GNAL: variants seen among roughly 807,000 people sequenced by gnomAD.
GNAL encodes guanine nucleotide-binding protein G(olf) subunit alpha.
Under a neutral mutation model 55.1 loss-of-function variants are expected in GNAL, and 18 were observed. The observed-to-expected ratio is 0.33, with a 90% CI of 0.23 to 0.48. GNAL has a LOEUF of 0.48. Among genes scored for constraint, GNAL ranks in the 20% least tolerant of loss-of-function variants. The pLI, the probability that GNAL is intolerant of heterozygous loss-of-function variation, is 0.99. For synonymous variants in GNAL, 253 were observed against 237.0 expected, an observed-to-expected ratio of 1.07 and a Z score of -0.62; for missense variants, 412 against 614.1, an observed-to-expected ratio of 0.67 and a Z score of 3.48.
At chr18:11,809,330 A>G (rs1203300450) in intron 4 of GNAL, among the ~76,000 whole-genome samples, 1 of 152,138 alleles carries the variant, frequency 6.6e-6, no homozygotes, top group African/African-American at 2.4e-5. Flanking sequence ...GTCATGCAGA[A>G]TTGCTTTTCT....
chr18:11,696,782 A>G (rs907316167), intron 1 of GNAL, among the ~76,000 whole-genome samples: 12 of 152,324 alleles, frequency 7.9e-5, no homozygotes, highest in Middle Eastern at 3.4e-3. Flanking sequence ...GTTTATTCAC[A>G]TGATTAATAC....
At chr18:11,782,746 C>G (rs539105332) in intron 4 of GNAL, among the ~76,000 whole-genome samples, 132 of 152,270 alleles carry the variant, frequency 8.7e-4, no homozygotes, top group African/African-American at 3.2e-3. Context: ...TTAACCAGAT[C>G]TATTCACCTG....
intron 5 of GNAL, among the ~76,000 whole-genome samples, chr18:11,837,629 G>A (rs2035525033): frequency 6.6e-6 from 1 of 152,156 alleles, no homozygotes; most frequent in Non-Finnish European, 1.5e-5. Flanking sequence ...TGTTGCTGAG[G>A]ATGTGAAGAA....
Position 11,864,624 on chromosome 18 carries a change from A to C in GNAL, c.851+18A>C, listed in dbSNP as rs759589668. The C allele has an allele frequency of 2.2e-5, 30 of 1,372,620 alleles. No individual in the cohort carries two copies. In the South Asian group the frequency reaches 3.5e-4, roughly 16 times the overall value. 85.0% of individuals were successfully genotyped at this position (1,372,620 alleles called of 1,614,324 possible). Reference sequence around the variant, plus strand: ...AACTTCCAGTGAGTATGTTGTTAAGAGCTGCATGGCCCAGGGCCACATGAT... The same window carrying C: ...AACTTCCAGTGAGTATGTTGTTAAGCGCTGCATGGCCCAGGGCCACATGAT... On this transcript the variant is annotated intron_variant, in intron 7 of 11. Coordinates refer to ENST00000334049, the MANE Select transcript of GNAL (RefSeq NM_182978.4).
chr18:11,815,560 C>A (rs1473700395), intron 4 of GNAL, among the ~76,000 whole-genome samples: 1 of 152,132 alleles, frequency 6.6e-6, no homozygotes, highest in Non-Finnish European at 1.5e-5. Context: ...AGGGGGAAGT[C>A]TGCCTCCATG....
intron 4 of GNAL, among the ~76,000 whole-genome samples, chr18:11,770,143 T>C (rs1242701039): frequency 6.6e-6 from 1 of 152,336 alleles, no homozygotes. Context: ...ATTATGAATT[T>C]AACTAAAATA....
intron 1 of GNAL, among the ~76,000 whole-genome samples, chr18:11,718,038 G>A (rs1235002581): frequency 6.6e-6 from 1 of 152,096 alleles, no homozygotes; most frequent in Non-Finnish European, 1.5e-5. Flanking sequence ...ACATGACAGT[G>A]TTAGAAGATA....
chr18:11,811,665 A>G (rs910202690), intron 4 of GNAL, among the ~76,000 whole-genome samples: 14 of 152,214 alleles, frequency 9.2e-5, no homozygotes, highest in Admixed American at 5.2e-4. Flanking sequence ...ATTTAATTCT[A>G]TAGTCACTGT....
chr18:11,770,652 A>G (rs890190078), intron 4 of GNAL, among the ~76,000 whole-genome samples: 1 of 152,128 alleles, frequency 6.6e-6, no homozygotes, highest in Non-Finnish European at 1.5e-5. Flanking sequence ...GGAGTGTACC[A>G]TTACCCTAAA....
intron 4 of GNAL, 73 bp downstream of exon 4, chr18:11,754,018 A>C: frequency 2.8e-6 from 3 of 1,073,572 alleles, no homozygotes; most frequent in Non-Finnish European, 4.3e-6. Context: ...CTTATTGAGA[A>C]TCAATATTGA....
At chr18:11,816,632 G>A (rs1370542035) in intron 4 of GNAL, among the ~76,000 whole-genome samples, 1 of 151,880 alleles carries the variant, frequency 6.6e-6, no homozygotes, top group South Asian at 2.1e-4. Flanking sequence ...TGGCCAACAC[G>A]GTGAAACCCT....
chr18:11,733,322 C>G (rs948050179), intron 1 of GNAL, among the ~76,000 whole-genome samples: 1 of 152,332 alleles, frequency 6.6e-6, no homozygotes, highest in South Asian at 2.1e-4. Flanking sequence ...CCTCTGCTCA[C>G]CCTTTAAACT....
chr18:11,829,780 C>A (rs1007031864), intron 5 of GNAL, among the ~76,000 whole-genome samples: 1 of 152,108 alleles, frequency 6.6e-6, no homozygotes, highest in Non-Finnish European at 1.5e-5. Context: ...GAGGCCGAGG[C>A]GGGTAGATCA....
At chr18:11,777,383 C>T (rs2033813613) in intron 4 of GNAL, among the ~76,000 whole-genome samples, 1 of 152,226 alleles carries the variant, frequency 6.6e-6, no homozygotes. Flanking sequence ...TGGATCTGCA[C>T]TCTCTTTGAA....
chr18:11,751,366 C>T lies in GNAL; in HGVS notation c.377-1487C>T, dbSNP rs2032820773. On this transcript the variant is annotated intron_variant, in intron 1 of 11. Transcript: ENST00000334049. This position sits in a 1 kb window ranked among gnomAD's most constrained non-coding sequence, Gnocchi z 4.5. ...CAACGCCAAGTTCGAGGCCACAGTG[C>T]CTTCTGGAAGAGTTGTTGTGCTGCT... The T allele has an allele frequency of 1.0e-5, 3 of 300,290 alleles. No homozygotes were observed. Among genetic ancestry groups the T allele is most frequent in the Non-Finnish European group, 1.5e-5 (3 of 203,324 alleles). 18.6% of individuals were successfully genotyped at this position (300,290 alleles called of 1,614,324 possible).
chr18:11,828,697 C>T (rs191656533), intron 5 of GNAL, among the ~76,000 whole-genome samples: 2 of 151,732 alleles, frequency 1.3e-5, no homozygotes, highest in East Asian at 1.9e-4. Context: ...CCTGCATCAC[C>T]GTAGTAATAG....
chr18:11,861,704 C>CA (rs2036142518), intron 5 of GNAL, among the ~76,000 whole-genome samples: 1 of 152,208 alleles, frequency 6.6e-6, no homozygotes, highest in African/African-American at 2.4e-5. Flanking sequence ...GAAGGGTCAT[C>CA]ACCCAAGAGC....
At chr18:11,847,179 T>C (rs891615010) in intron 5 of GNAL, among the ~76,000 whole-genome samples, 7 of 152,024 alleles carry the variant, frequency 4.6e-5, no homozygotes, top group African/African-American at 1.7e-4. Flanking sequence ...GGTTGAATAG[T>C]ACCAGGTATA....
intron 4 of GNAL, among the ~76,000 whole-genome samples, chr18:11,809,558 C>T (rs1292597778): frequency 6.6e-6 from 1 of 152,116 alleles, no homozygotes; most frequent in East Asian, 1.9e-4. Context: ...CATGGCAAAA[C>T]CCCGTCTCTA....
Sources: gnomAD v4.1 joint callset for allele counts (sites outside exome capture counted in the v4.1 genomes callset) on GRCh38, gnomAD v4.1.1 for gene constraint, Gnocchi (gnomAD v3.1) non-coding constraint, MANE v1.5 for transcripts, NCBI Gene and HGNC (gene_info 2026-07-23, HGNC 2026-07-21) for gene names.